Variants in ADAMTS17 observed in about 807,000 individuals in gnomAD.
ADAMTS17 encodes the protein ADAM metallopeptidase with thrombospondin type 1 motif 17, also known as A disintegrin and metalloproteinase with thrombospondin motifs 17.
In ADAMTS17, 113 loss-of-function variants were observed where a neutral mutation model predicts 141.5. The ratio of observed to expected loss-of-function variants is 0.80; its 90% CI spans 0.69 to 0.93. ADAMTS17 has a LOEUF of 0.93. ADAMTS17 is among the 40% of genes least tolerant of loss of function. The pLI, the probability that ADAMTS17 is intolerant of heterozygous loss-of-function variation, is 0.00. For synonymous variants in ADAMTS17, 768 were observed against 630.6 expected (o/e 1.22, Z -3.27); for missense variants, 1,659 against 1,517.9 (o/e 1.09, Z -1.54).
intron 10 of ADAMTS17, among the ~76,000 whole-genome samples, chr15:100,151,280 C>G (rs551579726): frequency 6.6e-6 from 1 of 152,194 alleles, no homozygotes; most frequent in Non-Finnish European, 1.5e-5. Context: ...GGGAAACAGC[C>G]AGTAGGAGAC....
intron 14 of ADAMTS17, among the ~76,000 whole-genome samples, chr15:100,107,810 G>A (rs1175239204): frequency 1.3e-5 from 2 of 152,158 alleles, no homozygotes; most frequent in African/African-American, 4.8e-5. Context: ...AGAACTGTGA[G>A]TAATAAAGGT....
intron 7 of ADAMTS17, among the ~76,000 whole-genome samples, chr15:100,243,814 A>G (rs1180366409): frequency 1.8e-5 from 2 of 108,792 alleles, no homozygotes; most frequent in African/African-American, 6.9e-5. Context: ...GAAAGAAAAG[A>G]AAAAGAAATG....
chr15:100,094,768 G>A (rs1435530228), intron 15 of ADAMTS17, among the ~76,000 whole-genome samples: 1 of 152,238 alleles, frequency 6.6e-6, no homozygotes, highest in African/African-American at 2.4e-5. Flanking sequence ...TTTACCAACT[G>A]CAGGAGTTTT....
chr15:100,298,387 C>T (rs1349013079), intron 3 of ADAMTS17, among the ~76,000 whole-genome samples: 1 of 152,140 alleles, frequency 6.6e-6, no homozygotes, highest in Non-Finnish European at 1.5e-5. Flanking sequence ...GGACAACTGT[C>T]GCTCTGCAAG....
intron 3 of ADAMTS17, among the ~76,000 whole-genome samples, chr15:100,292,281 TCTACGAGAGACACTCAGCCCGTGTGAAA>T (rs1567497369): frequency 2.4e-3 from 258 of 105,782 alleles, no homozygotes; most frequent in Middle Eastern, 0.02. Context: ...CCCGTGAGAA[TCTACGAGAGACACTCAGCCCGTGTGAAA>T]CTACGAGAGA....
At chr15:100,268,767 T>A (rs1007196957) in intron 4 of ADAMTS17, among the ~76,000 whole-genome samples, 8 of 152,184 alleles carry the variant, frequency 5.3e-5, no homozygotes, top group African/African-American at 1.7e-4. Flanking sequence ...TTCACAGAAT[T>A]AGAAAAAACT....
chr15:100,274,687 G>A (rs964098319), intron 4 of ADAMTS17, among the ~76,000 whole-genome samples: 2 of 152,128 alleles, frequency 1.3e-5, no homozygotes, highest in Non-Finnish European at 2.9e-5. Flanking sequence ...CTGATAAGGA[G>A]GGACTTACTT....
At chr15:100,150,623 T>C (rs1358920697) in intron 10 of ADAMTS17, among the ~76,000 whole-genome samples, 5 of 152,250 alleles carry the variant, frequency 3.3e-5, no homozygotes, top group African/African-American at 1.2e-4. Flanking sequence ...GCTTGGCTCC[T>C]AGAAGGGAAA....
rs372891566 is a variant in ADAMTS17, at chr15:100,123,903, C to T, written c.1722-6890G>A. ...ACAGCCTGACTCACTGACCAGTCAT[C>T]GGGGTGTGATGGGTTTTTTAATTTG... On this transcript the variant is annotated intron_variant, in intron 12 of 21. Coordinates refer to ENST00000268070, the MANE Select transcript of ADAMTS17 (RefSeq NM_139057.4). 9.9e-4 allele frequency among the ~76,000 whole-genome samples: 150 copies of T among 152,112 alleles called. 1 individual carries two copies. Among genetic ancestry groups the T allele is most frequent in the South Asian group, 4.1e-3 (20 of 4,820 alleles).
At chr15:100,244,601 T>C (rs1006350371) in intron 7 of ADAMTS17, among the ~76,000 whole-genome samples, 3 of 152,010 alleles carry the variant, frequency 2.0e-5, no homozygotes, top group African/African-American at 7.2e-5. Context: ...CCGCTTCTCA[T>C]GGGTGGCACC....
chr15:100,303,921 G>A lies in ADAMTS17; in HGVS notation c.617-22520C>T, dbSNP rs561706508. ...GTATTTTTAGTAGAGACGGCGTTTC[G>A]CCACGTTGGGCAGGCTGGTCTCCAA... On this transcript the variant is annotated intron_variant, in intron 3 of 21. Coordinates refer to ENST00000268070, the MANE Select transcript of ADAMTS17 (RefSeq NM_139057.4). 4.6e-5 allele frequency among the ~76,000 whole-genome samples: 7 copies of A among 152,064 alleles called. No homozygotes were observed. The South Asian group carries it at 6.2e-4, about 14-fold the overall frequency.
intron 15 of ADAMTS17, among the ~76,000 whole-genome samples, chr15:100,066,023 G>A (rs1315327207): frequency 6.6e-6 from 1 of 152,182 alleles, no homozygotes; most frequent in Non-Finnish European, 1.5e-5. Context: ...ATGGTTTCCA[G>A]CTTCATCCAT....
At chr15:100,265,785 C>T (rs1004190913) in intron 4 of ADAMTS17, among the ~76,000 whole-genome samples, 5 of 152,250 alleles carry the variant, frequency 3.3e-5, no homozygotes, top group African/African-American at 1.2e-4. Context: ...AAGCTATGCT[C>T]TGTAGCACAG....
intron 15 of ADAMTS17, among the ~76,000 whole-genome samples, chr15:100,060,133 G>C (rs2033002034): frequency 6.6e-6 from 1 of 152,222 alleles, no homozygotes; most frequent in South Asian, 2.1e-4. Context: ...GATTTTATCT[G>C]TGAATTCTGA....
intron 8 of ADAMTS17, among the ~76,000 whole-genome samples, chr15:100,188,476 TTC>T (rs894426322): frequency 6.6e-6 from 1 of 152,094 alleles, no homozygotes; most frequent in Non-Finnish European, 1.5e-5. Flanking sequence ...TCTTCAGTGT[TTC>T]TGACAGTTTT....
At chr15:100,135,364 A>C (rs1041204170) in intron 10 of ADAMTS17, among the ~76,000 whole-genome samples, 2 of 151,820 alleles carry the variant, frequency 1.3e-5, no homozygotes, top group African/African-American at 4.8e-5. Flanking sequence ...GCTCACTGCA[A>C]GCTCCGCCTC....
At chr15:100,133,576 G>C (rs939623025) in intron 10 of ADAMTS17, among the ~76,000 whole-genome samples, 1 of 152,188 alleles carries the variant, frequency 6.6e-6, no homozygotes, top group African/African-American at 2.4e-5. Context: ...CAACCACCGA[G>C]GGCCTAGGAG....
chr15:100,134,425 A>T (rs1245531268), intron 10 of ADAMTS17, among the ~76,000 whole-genome samples: 2 of 152,156 alleles, frequency 1.3e-5, no homozygotes, highest in African/African-American at 4.8e-5. Context: ...AGGATGACAA[A>T]CCCAATCATG....
In ADAMTS17 at chr15:100,330,850, C is replaced by T. The variant is rs113580410; in HGVS notation, c.616+39G>A. 209 of 1,608,656 alleles carry T rather than the reference C, an allele frequency of 1.3e-4. No individual in the cohort carries two copies. The East Asian group carries it at 1.9e-3, about 15-fold the overall frequency. On this transcript the variant is annotated intron_variant, in intron 3 of 21. Transcript: ENST00000268070. ...AGACACACAAAGGATGTGGGCTGTG[C>T]GTGTGTTCTAAGCTGGTCATGCTGC...
Sources: gnomAD v4.1 joint callset for allele counts (sites outside exome capture counted in the v4.1 genomes callset) on GRCh38, gnomAD v4.1.1 for gene constraint, MANE v1.5 for transcripts, NCBI Gene and HGNC (gene_info 2026-07-23, HGNC 2026-07-21) for gene names.